Variants in UGGT1 observed in about 807,000 individuals in gnomAD.
The protein encoded by UGGT1 is UDP-glucose:glycoprotein glucosyltransferase 1.
Under a neutral mutation model 203.9 loss-of-function variants are expected in UGGT1, and 107 were observed. The ratio of observed to expected loss-of-function variants is 0.52; its 90% confidence interval spans 0.45 to 0.62. UGGT1 has a LOEUF of 0.62. Ranked by LOEUF, UGGT1 falls within the 20% of genes least tolerant of loss-of-function variation. The probability of loss-of-function intolerance (pLI) is 0.00; values close to 1 mark genes in which losing one functional copy is unlikely to be tolerated. For synonymous variants in UGGT1, 628 were observed against 653.5 expected (o/e 0.96, Z 0.59); for missense variants, 1,673 against 1,867.2 (o/e 0.90, Z 1.92).
At chr2:128,110,588 T>A (rs1687801976) in intron 5 of UGGT1, among the ~76,000 whole-genome samples, 1 of 152,160 alleles carries the variant, frequency 6.6e-6, no homozygotes, top group Non-Finnish European at 1.5e-5. Flanking sequence ...GTAATTCTTT[T>A]AAAAAACTTT....
intron 40 of UGGT1, among the ~76,000 whole-genome samples, chr2:128,188,937 G>A (rs995627481): frequency 7.2e-5 from 11 of 152,174 alleles, no homozygotes; most frequent in Non-Finnish European, 1.5e-4. Flanking sequence ...AATTAATTCC[G>A]ATTCATCAGT....
intron 13 of UGGT1, among the ~76,000 whole-genome samples, chr2:128,130,956 G>A (rs1003721728): frequency 3.9e-5 from 6 of 152,086 alleles, no homozygotes; most frequent in Admixed American, 6.5e-5. Flanking sequence ...TTTGAGGCCA[G>A]GCACAGTGGC....
intron 36 of UGGT1, among the ~76,000 whole-genome samples, chr2:128,181,543 C>T (rs1246488633): frequency 2.0e-5 from 3 of 152,206 alleles, no homozygotes; most frequent in Admixed American, 1.3e-4. Context: ...CAAACTCAAA[C>T]AGCATAAGTG....
At chr2:128,097,779 G>A (rs1245526798) in intron 2 of UGGT1, among the ~76,000 whole-genome samples, 1 of 152,178 alleles carries the variant, frequency 6.6e-6, no homozygotes, top group African/African-American at 2.4e-5. Context: ...AGCTATGTAG[G>A]AACTTTGGAC....
intron 5 of UGGT1, among the ~76,000 whole-genome samples, chr2:128,112,609 G>GTCCC (rs1397554011): frequency 1.4e-5 from 2 of 144,202 alleles, no homozygotes; most frequent in African/African-American, 5.1e-5. Flanking sequence ...TTGAGACAGG[G>GTCCC]TCCCGTTCTG....
intron 22 of UGGT1, among the ~76,000 whole-genome samples, chr2:128,157,811 C>T (rs1248009448): frequency 6.6e-6 from 1 of 152,156 alleles, no homozygotes; most frequent in Non-Finnish European, 1.5e-5. Context: ...GATATGCTGC[C>T]ATTAATAGTT....
chr2:128,126,375 G>C (rs1368428388), intron 11 of UGGT1, among the ~76,000 whole-genome samples: 1 of 151,810 alleles, frequency 6.6e-6, no homozygotes, highest in Non-Finnish European at 1.5e-5. Flanking sequence ...TAAGTAGCTA[G>C]AATTACAGGT....
chr2:128,137,414 G>A (rs1689179727), intron 15 of UGGT1, among the ~76,000 whole-genome samples: 1 of 152,184 alleles, frequency 6.6e-6, no homozygotes, highest in Non-Finnish European at 1.5e-5. Flanking sequence ...AGGCCCTGTT[G>A]AAAAACAAAC....
At chr2:128,109,094 G>A (rs1039652268) in intron 4 of UGGT1, among the ~76,000 whole-genome samples, 2 of 152,088 alleles carry the variant, frequency 1.3e-5, no homozygotes, top group African/African-American at 4.8e-5. Flanking sequence ...ATTTCGCCGT[G>A]TTGGCTAGGC....
intron 29 of UGGT1, 103 bp from the exon 30 acceptor site, chr2:128,173,678 T>C: frequency 7.8e-7 from 1 of 1,286,590 alleles, no homozygotes; most frequent in Non-Finnish European, 1.1e-6. Flanking sequence ...GATCATATAT[T>C]ATGTAAGTCC....
intron 11 of UGGT1, among the ~76,000 whole-genome samples, chr2:128,126,093 C>A (rs1238454035): frequency 1.3e-5 from 2 of 151,942 alleles, no homozygotes; most frequent in Non-Finnish European, 2.9e-5. Flanking sequence ...AGGCGCGTGC[C>A]ACCACGCCCA....
chr2:128,128,399 C>T (rs149325033), intron 12 of UGGT1, among the ~76,000 whole-genome samples: 1 of 151,392 alleles, frequency 6.6e-6, no homozygotes, highest in Admixed American at 6.6e-5. Flanking sequence ...GCAACCTCTG[C>T]CTCCCGGGTT....
intron 18 of UGGT1, among the ~76,000 whole-genome samples, chr2:128,148,290 T>C (rs552852125): frequency 1.3e-5 from 2 of 152,078 alleles, no homozygotes; most frequent in Non-Finnish European, 2.9e-5. Context: ...TTTCAGAACA[T>C]TGGTCTCGAA....
At chr2:128,153,033 AT>A in intron 19 of UGGT1, 129 bp downstream of exon 19, 1 of 1,322,364 alleles carries the variant, frequency 7.6e-7, no homozygotes, top group Non-Finnish European at 1.0e-6. Context: ...TTGTGACAAA[AT>A]TTTATGTGTA....
At chr2:128,091,622 G>C in intron 1 of UGGT1, 1 of 1,433,074 alleles carries the variant, frequency 7.0e-7, no homozygotes, top group Middle Eastern at 1.9e-4. Context: ...GGGTGGCGGC[G>C]GGCTCTGTTC....
intron 18 of UGGT1, among the ~76,000 whole-genome samples, chr2:128,147,223 A>T (rs1014244279): frequency 1.3e-5 from 2 of 152,228 alleles, no homozygotes; most frequent in African/African-American, 2.4e-5. Context: ...ATCTCAGTTT[A>T]TCTATCTTCA....
rs1298650163 is a variant in UGGT1, at chr2:128,109,664, T to C, written c.439T>C (p.Cys147Arg). The C allele has an allele frequency of 1.2e-6, 2 of 1,614,030 alleles. No individual in the cohort carries two copies. The highest frequency in any genetic ancestry group is 1.3e-5 in the African/African-American group (1 of 74,924). The change falls in exon 5 of 41, where the codon TGT (cysteine) becomes CGT (arginine). Residue 147 changes from cysteine (C) to arginine (R), a missense_variant. Cys to Arg is a radical substitution (Grantham distance 180). This residue lies in a region of UGGT1 where 1,073 missense variants were observed against 1,078.7 expected (regional missense o/e 0.99). Coordinates refer to ENST00000259253, the MANE Select transcript of UGGT1 (RefSeq NM_020120.4). ...IAADEPPPEG[C>R]NSFFSVHGKK... ...AGCTGATGAACCTCCACCAGAAGGA[T>C]GTAATTCGTTTTTTTCAGTGCATGG...
intron 6 of UGGT1, among the ~76,000 whole-genome samples, chr2:128,113,649 C>T (rs1447742574): frequency 6.6e-6 from 1 of 151,988 alleles, no homozygotes. Flanking sequence ...TCTAAACAGG[C>T]GATTCATAGG....
intron 29 of UGGT1, among the ~76,000 whole-genome samples, chr2:128,173,013 G>C (rs937925498): frequency 1.3e-5 from 2 of 152,134 alleles, no homozygotes; most frequent in Non-Finnish European, 2.9e-5. Flanking sequence ...AGCATCCCCA[G>C]TGAAAGCCCC....
Sources: allele counts gnomAD v4.1 joint callset (sites outside exome capture counted in the v4.1 genomes callset), GRCh38; gene constraint gnomAD v4.1.1; regional missense constraint gnomAD v4.1.1; transcripts MANE v1.5; gene names NCBI Gene and HGNC (gene_info 2026-07-23, HGNC 2026-07-21).